The following PCDH11X variants were observed in gnomAD, a reference collection of about 807,000 sequenced individuals.
The protein encoded by PCDH11X is protocadherin 11 X-linked, also known as protocadherin-11 X-linked.
In PCDH11X, 18 loss-of-function variants were observed where a neutral mutation model predicts 53.3. That is an observed-to-expected ratio of 0.34 (90% CI 0.23 to 0.50). The LOEUF (loss-of-function observed/expected upper bound fraction) is 0.50. PCDH11X is among the 20% of genes least tolerant of loss of function. The probability of loss-of-function intolerance (pLI) is 0.98; values close to 1 mark genes in which losing one functional copy is unlikely to be tolerated. For synonymous variants in PCDH11X, 279 were observed against 393.3 expected, an observed-to-expected ratio of 0.71 and a Z score of 3.44; for missense variants, 570 against 1,032.4, an observed-to-expected ratio of 0.55 and a Z score of 6.14.
chrX:92,474,368 AATAGATTAT>A, intron 10 of PCDH11X, among the ~76,000 whole-genome samples: 1 of 109,947 alleles, frequency 9.1e-6, no homozygotes, highest in Admixed American at 9.7e-5. Flanking sequence ...TCTTGTAGGC[AATAGATTAT>A]ATAGTTTTTT....
At chrX:92,272,546 A>T (rs149122256) in intron 8 of PCDH11X, among the ~76,000 whole-genome samples, 2,302 of 112,229 alleles carry the variant, frequency 0.021, 36 homozygotes, top group Middle Eastern at 0.037. Flanking sequence ...GCTTAAAAGA[A>T]ATTTCCAGAA....
chrX:92,521,042 C>A (rs970717403), intron 10 of PCDH11X, among the ~76,000 whole-genome samples: 1 of 110,910 alleles, frequency 9.0e-6, no homozygotes, highest in Non-Finnish European at 1.9e-5. Flanking sequence ...TCAAAATTGT[C>A]CATGAGGGTT....
chrX:92,325,543 A>T (rs1254340617), intron 8 of PCDH11X, among the ~76,000 whole-genome samples: 2 of 111,445 alleles, frequency 1.8e-5, no homozygotes, highest in Non-Finnish European at 3.8e-5. Context: ...TGACATTTTC[A>T]GCCAAATGAG....
rs1438105637 is a variant in PCDH11X at position 92,291,670 on chromosome X, A to G, written c.3144+28527A>G. On this transcript the variant is annotated intron_variant, in intron 8 of 10. Coordinates refer to ENST00000682573, the MANE Select transcript of PCDH11X (RefSeq NM_032968.5). ...TGTTTCCTACTTTTGAACAAGTTCC[A>G]TAAGCTATAACTAAAACTATATGCT... Among the ~76,000 whole-genome samples, 3 of 106,161 alleles carry G rather than the reference A, an allele frequency of 2.8e-5. No individual in the cohort carries two copies. In the East Asian group the frequency reaches 8.8e-4, roughly 31 times the overall value. 92.2% of individuals were successfully genotyped at this position (106,161 alleles called of 115,157 possible).
At chrX:92,084,091 AAACAACAACAAC>A (rs200977655) in intron 6 of PCDH11X, among the ~76,000 whole-genome samples, 3 of 108,051 alleles carry the variant, frequency 2.8e-5, no homozygotes, top group Non-Finnish European at 1.9e-5. Context: ...ACTCTGTCAA[AAACAACAACAAC>A]AACAACAACA....
chrX:92,183,530 C>T (rs1049214928), intron 6 of PCDH11X, among the ~76,000 whole-genome samples: 2 of 111,900 alleles, frequency 1.8e-5, no homozygotes, highest in African/African-American at 3.2e-5. Flanking sequence ...CGTGAGCCAC[C>T]GTGCCTGGCT....
At chrX:92,250,612 A>ATATAT (rs1569441396) in intron 7 of PCDH11X, among the ~76,000 whole-genome samples, 13 of 74,928 alleles carry the variant, frequency 1.7e-4, no homozygotes, top group Non-Finnish European at 3.5e-4. Context: ...TATATATATA[A>ATATAT]AATAATATGT....
chrX:91,972,856 C>T (rs1240628548), intron 6 of PCDH11X, among the ~76,000 whole-genome samples: 2 of 111,181 alleles, frequency 1.8e-5, no homozygotes, highest in African/African-American at 6.6e-5. Flanking sequence ...TAGTATAGTT[C>T]AACCATTGTG....
rs1268797516 is a variant in PCDH11X at position 92,215,746 on chromosome X, C to T, written c.3114+14291C>T. On this transcript the variant is annotated intron_variant, in intron 7 of 10. Transcript: ENST00000682573. ...TGGAGATCTGAGAATGGGCAGACTG[C>T]CTCCTCAAGTGTATCCCTGACCCCT... Among the ~76,000 whole-genome samples, 20 of 106,327 alleles carry T rather than the reference C, an allele frequency of 1.9e-4. 1 individual carries two copies. The highest frequency in any genetic ancestry group is 1.5e-4 in the Non-Finnish European group (8 of 51,629). 92.3% of individuals were successfully genotyped at this position (106,327 alleles called of 115,157 possible). A position where few individuals can be genotyped will look rare whatever the true frequency, so the allele number is the denominator to read the frequency against.
intron 4 of PCDH11X, among the ~76,000 whole-genome samples, chrX:91,821,215 C>T (rs1357175914): frequency 9.1e-6 from 1 of 110,324 alleles, no homozygotes; most frequent in East Asian, 2.9e-4. Flanking sequence ...TGAAGAAAGG[C>T]ATTGGTAGCT....
intron 7 of PCDH11X, among the ~76,000 whole-genome samples, chrX:92,223,982 A>G (rs1309876491): frequency 2.7e-5 from 3 of 111,736 alleles, no homozygotes; most frequent in African/African-American, 9.8e-5. Context: ...TGCACACATT[A>G]TATGTACCAT....
At chrX:92,177,157 T>C (rs1380839597) in intron 6 of PCDH11X, among the ~76,000 whole-genome samples, 1 of 109,514 alleles carries the variant, frequency 9.1e-6, no homozygotes, top group Non-Finnish European at 1.9e-5. Context: ...TTTGTATTTT[T>C]AGTAGAGATG....
intron 10 of PCDH11X, among the ~76,000 whole-genome samples, chrX:92,563,056 T>TTG (rs1157458616): frequency 7.3e-4 from 9 of 12,302 alleles, no homozygotes; most frequent in Non-Finnish European, 1.0e-3. Context: ...CGTTTTTTTT[T>TTG]TTTTTTTTTT....
In PCDH11X at chrX:91,879,224, G is replaced by A; in HGVS notation, c.2984G>A (p.Gly995Asp). The change falls in exon 6 of 11, where the codon GGC becomes GAC. Residue 995 changes from glycine (G) to aspartate (D), a missense_variant. By Grantham distance (94) the Gly-to-Asp change is moderately conservative (BLOSUM62 -1). Coordinates refer to ENST00000682573, the MANE Select transcript of PCDH11X (RefSeq NM_032968.5). ...GATCCCTACAGCGTTTCTGACTGTG[G>A]CTATCCAGTGACGACCTTCGAGGTA... ...SSDPYSVSDC[G>D]YPVTTFEVPV... The A allele has an allele frequency of 8.3e-7, 1 of 1,211,722 alleles. No homozygotes were observed. The highest frequency in any genetic ancestry group is 1.1e-6 in the Non-Finnish European group (1 of 895,461).
chrX:92,040,041 C>T (rs2063186663), intron 6 of PCDH11X, among the ~76,000 whole-genome samples: 1 of 109,413 alleles, frequency 9.1e-6, no homozygotes, highest in Non-Finnish European at 1.9e-5. Context: ...AGTGCCCTAT[C>T]TTATTTTGGC....
intron 6 of PCDH11X, among the ~76,000 whole-genome samples, chrX:92,149,487 G>A (rs868831743): frequency 0.012 from 1,254 of 102,648 alleles, 26 homozygotes; most frequent in African/African-American, 0.044. Flanking sequence ...ATGTGTGTGT[G>A]TATATATATA....
intron 1 of PCDH11X, among the ~76,000 whole-genome samples, chrX:91,808,420 G>A (rs963350325): frequency 3.7e-5 from 4 of 109,117 alleles, no homozygotes; most frequent in Non-Finnish European, 7.6e-5. Flanking sequence ...GCTTGAACCC[G>A]GGAGACGGAG....
intron 8 of PCDH11X, among the ~76,000 whole-genome samples, chrX:92,337,524 A>C (rs925006368): frequency 1.8e-5 from 2 of 111,219 alleles, no homozygotes; most frequent in African/African-American, 6.5e-5. Flanking sequence ...TGGGATACAG[A>C]GCTGAATAAG....
intron 5 of PCDH11X, among the ~76,000 whole-genome samples, chrX:91,841,124 G>C (rs1353473877): frequency 4.5e-5 from 5 of 110,227 alleles, no homozygotes; most frequent in Non-Finnish European, 9.5e-5. Context: ...CTTCCACTGG[G>C]GAAAAAATGA....
Sources: allele counts gnomAD v4.1 joint callset (sites outside exome capture counted in the v4.1 genomes callset), GRCh38; gene constraint gnomAD v4.1.1; transcripts MANE v1.5; gene names NCBI Gene and HGNC (gene_info 2026-07-23, HGNC 2026-07-21).